Variants in PPP1R1C observed in about 807,000 individuals in gnomAD.
PPP1R1C encodes the protein protein phosphatase 1 regulatory inhibitor subunit 1C, also known as protein phosphatase 1 regulatory subunit 1C.
A neutral mutation model predicts 17.4 loss-of-function variants in PPP1R1C; 15 were observed. The ratio of observed to expected loss-of-function variants is 0.86; its 90% confidence interval spans 0.58 to 1.33. The LOEUF (loss-of-function observed/expected upper bound fraction) is 1.33, where lower values mean the gene tolerates loss of function less well. Among genes scored for constraint, PPP1R1C ranks in the 40% most tolerant of loss-of-function variants. The pLI is 0.00. For missense variants in PPP1R1C, 143 were observed against 130.0 expected (o/e 1.10, Z -0.48); for synonymous variants, 35 against 43.1 (o/e 0.81, Z 0.73).
chr2:181,994,023 A>G (rs1181164671), intron 2 of PPP1R1C, among the ~76,000 whole-genome samples: 1 of 137,526 alleles, frequency 7.3e-6, no homozygotes, highest in East Asian at 2.0e-4. Context: ...GTAAGAAAAA[A>G]AAAAGATCTA....
chr2:182,013,065 A>G (rs1192277156), intron 2 of PPP1R1C, among the ~76,000 whole-genome samples: 1 of 152,156 alleles, frequency 6.6e-6, no homozygotes, highest in Non-Finnish European at 1.5e-5. Context: ...TTTGCACACC[A>G]TAGTTACAGT....
chr2:181,978,721 C>T (rs953264414), intron 2 of PPP1R1C, among the ~76,000 whole-genome samples: 4 of 151,948 alleles, frequency 2.6e-5, no homozygotes, highest in Non-Finnish European at 5.9e-5. Flanking sequence ...ATCACCTTCT[C>T]TGTGTTCTAT....
chr2:182,090,784 AC>A (rs1688758664), intron 4 of PPP1R1C, among the ~76,000 whole-genome samples: 1 of 152,180 alleles, frequency 6.6e-6, no homozygotes, highest in Non-Finnish European at 1.5e-5. Context: ...TCAAACAAAA[AC>A]TTTTAAAAAG....
intron 1 of PPP1R1C, chr2:181,954,718 T>C (rs752077082): frequency 6.6e-6 from 1 of 152,238 alleles, no homozygotes; most frequent in Admixed American, 6.5e-5. Context: ...CAGACTTCCA[T>C]GATCAGGAGC....
Position 181,961,152 on chromosome 2 carries a change from T to C in PPP1R1C, n.111+6518T>C. On this transcript the variant is annotated intron_variant and non_coding_transcript_variant, in intron 1 of 5. Transcript: ENST00000464264. The surrounding 1 kb of genome is among the most constrained non-coding windows in gnomAD (Gnocchi z 5.8). ...TCCCTTCCTTCCTTCCTTTCACCTCTGAACTTTTTATTGACCTCCTGCTCC... is the reference window on the plus strand; with the variant it reads ...TCCCTTCCTTCCTTCCTTTCACCTCCGAACTTTTTATTGACCTCCTGCTCC... The C allele has an allele frequency of 1.4e-6, 1 of 700,220 alleles. No homozygotes were observed. Among genetic ancestry groups the C allele is most frequent in the Non-Finnish European group, 2.5e-6 (1 of 392,902 alleles). The allele number at this position is 700,220 out of a possible 1,614,324, so 43.4% of individuals were successfully genotyped here.
chr2:182,094,756 C>T (rs1217408642), intron 4 of PPP1R1C, among the ~76,000 whole-genome samples: 1 of 152,146 alleles, frequency 6.6e-6, no homozygotes, highest in East Asian at 1.9e-4. Context: ...TGACCTTGAG[C>T]AGTAGGATAT....
intron 3 of PPP1R1C, among the ~76,000 whole-genome samples, chr2:182,063,071 A>G (rs1409024409): frequency 1.3e-5 from 2 of 152,086 alleles, no homozygotes; most frequent in African/African-American, 4.8e-5. Context: ...TGACCCTGAA[A>G]TAAGTTCTTA....
chr2:181,994,656 A>C (rs1301529617), intron 2 of PPP1R1C, among the ~76,000 whole-genome samples: 37 of 152,248 alleles, frequency 2.4e-4, no homozygotes, highest in Non-Finnish European at 1.6e-4. Context: ...TCTACTCTTA[A>C]AGCTGTTTAT....
chr2:181,963,266 T>G, intron 1 of PPP1R1C, among the ~76,000 whole-genome samples: 1 of 152,254 alleles, frequency 6.6e-6, no homozygotes, highest in Non-Finnish European at 1.5e-5. Context: ...AAAATGTTTC[T>G]GAGTAGCATG....
chr2:182,053,087 A>G (rs1398333515), intron 2 of PPP1R1C, among the ~76,000 whole-genome samples: 3 of 152,246 alleles, frequency 2.0e-5, no homozygotes, highest in African/African-American at 7.2e-5. Context: ...TTTAAAAGAA[A>G]GGACTTTTAT....
At chr2:182,002,878 T>G (rs1035552440) in intron 2 of PPP1R1C, among the ~76,000 whole-genome samples, 8 of 151,242 alleles carry the variant, frequency 5.3e-5, no homozygotes, top group Non-Finnish European at 2.9e-5. Context: ...CATTCTCACC[T>G]TCGTCTTCCA....
At chr2:182,101,019 G>A (rs1689085262) in intron 4 of PPP1R1C, among the ~76,000 whole-genome samples, 1 of 152,158 alleles carries the variant, frequency 6.6e-6, no homozygotes. Context: ...AGAAAGGGAA[G>A]GTGGAGAGCA....
intron 4 of PPP1R1C, among the ~76,000 whole-genome samples, chr2:182,081,883 A>T (rs993779718): frequency 6.6e-6 from 1 of 152,216 alleles, no homozygotes; most frequent in Admixed American, 6.5e-5. Context: ...GTATGTCCAC[A>T]TAAAAAGTCA....
At chr2:181,971,260 C>A (rs1294833781) in intron 1 of PPP1R1C, among the ~76,000 whole-genome samples, 1 of 152,102 alleles carries the variant, frequency 6.6e-6, no homozygotes. Context: ...TTATTCAGGC[C>A]CAAGGGCTCT....
At chr2:182,029,974 T>A (rs1375201161) in intron 2 of PPP1R1C, among the ~76,000 whole-genome samples, 17 of 87,742 alleles carry the variant, frequency 1.9e-4, no homozygotes, top group African/African-American at 7.9e-4. Flanking sequence ...CATCTTCCAT[T>A]GCTGATACCC....
At chr2:182,036,084 C>A (rs1011940683) in intron 2 of PPP1R1C, among the ~76,000 whole-genome samples, 12 of 152,134 alleles carry the variant, frequency 7.9e-5, no homozygotes, top group African/African-American at 2.9e-4. Context: ...CAAGTCCTTT[C>A]AACAAAGTGA....
intron 2 of PPP1R1C, among the ~76,000 whole-genome samples, chr2:182,014,155 A>G (rs1686175930): frequency 6.6e-6 from 1 of 152,042 alleles, no homozygotes; most frequent in Non-Finnish European, 1.5e-5. Flanking sequence ...TTATAGTCTA[A>G]CCTTGTTTGT....
rs192594572 is a variant in PPP1R1C at position 181,957,306 on chromosome 2, G to A, written n.111+2672G>A. On this transcript the variant is annotated intron_variant and non_coding_transcript_variant, in intron 1 of 5. Coordinates refer to the PPP1R1C transcript ENST00000464264. The surrounding 1 kb of genome is among the most constrained non-coding windows in gnomAD (Gnocchi z 4.2). ...CGGGAGGTGGAGGTTGTGGTAAGCC[G>A]AGGTAGCGCCACTGCACTTCAACCT... is the stretch of plus-strand genomic sequence containing the variant. Among the ~76,000 whole-genome samples the A allele has an allele frequency of 3.5e-4, 53 of 152,260 alleles. 1 individual carries two copies. The highest frequency in any genetic ancestry group is 6.0e-4 in the Non-Finnish European group (41 of 68,014).
At chr2:181,991,461 T>C (rs935176744) in intron 2 of PPP1R1C, among the ~76,000 whole-genome samples, 1 of 152,088 alleles carries the variant, frequency 6.6e-6, no homozygotes, top group African/African-American at 2.4e-5. Flanking sequence ...TAACTCAAAA[T>C]AGTGGGAGAT....
Sources: allele counts gnomAD v4.1 joint callset (sites outside exome capture counted in the v4.1 genomes callset), GRCh38; gene constraint gnomAD v4.1.1; non-coding constraint Gnocchi (gnomAD v3.1); transcripts MANE v1.5; gene names NCBI Gene and HGNC (gene_info 2026-07-23, HGNC 2026-07-21).